Variants in CNOT6 observed in about 807,000 individuals in gnomAD.
CNOT6 encodes the protein CCR4-NOT transcription complex subunit 6, also known as carbon catabolite repression 4 protein.
CNOT6 carries 12 observed loss-of-function variants against 61.2 expected under a neutral mutation model. That is an observed-to-expected ratio of 0.20 (90% CI 0.13 to 0.32). The LOEUF (loss-of-function observed/expected upper bound fraction) is 0.32. Among genes scored for constraint, CNOT6 ranks in the 10% least tolerant of loss-of-function variants. The pLI is 1.00. For synonymous variants in CNOT6, 225 were observed against 240.6 expected (o/e 0.94, Z 0.60); for missense variants, 405 against 663.9 (o/e 0.61, Z 4.28).
At chr5:180,538,544 C>T (rs563005646) in intron 2 of CNOT6, among the ~76,000 whole-genome samples, 13 of 150,968 alleles carry the variant, frequency 8.6e-5, no homozygotes, top group Non-Finnish European at 1.5e-4. Context: ...AAAAATTTGC[C>T]GGGCATAGTG....
At chr5:180,531,314 G>C (rs560274264) in intron 2 of CNOT6, among the ~76,000 whole-genome samples, 26 of 151,306 alleles carry the variant, frequency 1.7e-4, no homozygotes, top group South Asian at 1.3e-3. Flanking sequence ...ACGGGGTAGC[G>C]GTCGGGCAGA....
intron 2 of CNOT6, among the ~76,000 whole-genome samples, chr5:180,533,414 A>G (rs375743861): frequency 4.6e-5 from 7 of 150,626 alleles, no homozygotes; most frequent in Non-Finnish European, 1.0e-4. Flanking sequence ...TATTGTTATT[A>G]TTATTATTTA....
chr5:180,524,143 G>T (rs2127715945), intron 1 of CNOT6, among the ~76,000 whole-genome samples: 1 of 152,280 alleles, frequency 6.6e-6, no homozygotes, highest in African/African-American at 2.4e-5. Flanking sequence ...TATGCCTGCT[G>T]ACTCTTGACT....
intron 2 of CNOT6, among the ~76,000 whole-genome samples, chr5:180,538,063 G>T (rs541292209): frequency 7.3e-6 from 1 of 136,804 alleles, no homozygotes; most frequent in South Asian, 2.4e-4. Flanking sequence ...TTTTGAGACG[G>T]AGTCTCGCTC....
At chr5:180,517,907 C>T (rs1304674310) in intron 1 of CNOT6, among the ~76,000 whole-genome samples, 1 of 152,164 alleles carries the variant, frequency 6.6e-6, no homozygotes, top group Non-Finnish European at 1.5e-5. Flanking sequence ...TGAGGTGTAA[C>T]CACTTAAATC....
rs753537874 is a variant in CNOT6, at chr5:180,553,454, A to G, written c.368A>G (p.Gln123Arg). The G allele has an allele frequency of 6.2e-7, 1 of 1,613,552 alleles. No homozygotes were observed. The highest frequency in any genetic ancestry group is 8.5e-7 in the Non-Finnish European group (1 of 1,179,516). The change falls in exon 4 of 12, where the codon CAG (glutamine) becomes CGG (arginine). Residue 123 changes from glutamine (Q) to arginine (R), a missense_variant. This residue lies in a region of CNOT6 where 212 missense variants were observed against 307.1 expected (regional missense o/e 0.69). Transcript: ENST00000261951. ...GAGCTGGGAAAACTGTTTCAGTTGC[A>G]GACTTTAGGCCTGAAAGGTATGACT... ...PFELGKLFQL[Q>R]TLGLKGNPLT...
chr5:180,535,783 G>A (rs1368800504), intron 2 of CNOT6, among the ~76,000 whole-genome samples: 1 of 152,090 alleles, frequency 6.6e-6, no homozygotes, highest in Non-Finnish European at 1.5e-5. Flanking sequence ...CAGTGTTCAA[G>A]CGTTCCTTTT....
In CNOT6 at chr5:180,505,279, G is replaced by A. The variant is rs1214266455; in HGVS notation, c.-3+10516G>A. On this transcript the variant is annotated intron_variant, in intron 1 of 11. Transcript: ENST00000261951. ...TTTTTTTTTTTTTTTTTTTTGAGAC[G>A]GAGTCTGGCTCTGTCGCCCAGTCTG... Among the ~76,000 whole-genome samples, 13 of 100,518 alleles carry A rather than the reference G, an allele frequency of 1.3e-4. 3 individuals carry two copies. The highest frequency in any genetic ancestry group is 6.8e-4 in the South Asian group (2 of 2,950). The allele number at this position is 100,518 out of a possible 152,430, so 65.9% of individuals were successfully genotyped here.
chr5:180,554,713 A>G (rs1254452997), intron 4 of CNOT6, among the ~76,000 whole-genome samples: 1 of 152,140 alleles, frequency 6.6e-6, no homozygotes, highest in African/African-American at 2.4e-5. Context: ...CTGTTTCTAA[A>G]TTTGAAGAAC....
chr5:180,512,988 T>C (rs1306076434), intron 1 of CNOT6, among the ~76,000 whole-genome samples: 2 of 150,858 alleles, frequency 1.3e-5, no homozygotes, highest in Non-Finnish European at 3.0e-5. Flanking sequence ...CTCCGCCTCC[T>C]GGGTTCACGC....
intron 1 of CNOT6, among the ~76,000 whole-genome samples, chr5:180,511,509 G>C (rs948955658): frequency 6.6e-6 from 1 of 152,086 alleles, no homozygotes; most frequent in Non-Finnish European, 1.5e-5. Flanking sequence ...TACTCGGGAG[G>C]CTGAGACAGG....
Position 180,571,336 on chromosome 5 carries a change from T to C in CNOT6, c.1365T>C (p.Asn455=), listed in dbSNP as rs754195151. The C allele has an allele frequency of 1.9e-6, 3 of 1,614,090 alleles. No individual in the cohort carries two copies. The highest frequency in any genetic ancestry group is 2.5e-6 in the Non-Finnish European group (3 of 1,179,922). The change falls in exon 11 of 12, where the codon AAT becomes AAC. Residue 455 remains asparagine, a synonymous_variant. Coordinates refer to ENST00000261951, the MANE Select transcript of CNOT6 (RefSeq NM_001370472.1). ...CAAACTTCAGCTGTCATGGGAAGAATGGAACCACCAATGGAAGGATCACTC... is the reference window on the plus strand; with the variant it reads ...CAAACTTCAGCTGTCATGGGAAGAACGGAACCACCAATGGAAGGATCACTC... ...SLTNFSCHGK[N]GTTNGRITHG...
At chr5:180,533,132 A>G (rs1323368988) in intron 2 of CNOT6, among the ~76,000 whole-genome samples, 1 of 151,948 alleles carries the variant, frequency 6.6e-6, no homozygotes, top group Admixed American at 6.6e-5. Context: ...CTTCTAAGGT[A>G]TGGGGCAGGA....
chr5:180,511,214 G>A (rs892208815), intron 1 of CNOT6, among the ~76,000 whole-genome samples: 5 of 151,536 alleles, frequency 3.3e-5, no homozygotes, highest in Non-Finnish European at 7.4e-5. Context: ...ACAGTGGCTC[G>A]CGCCTGTAAT....
intron 1 of CNOT6, among the ~76,000 whole-genome samples, chr5:180,522,766 A>G (rs1757935333): frequency 6.6e-6 from 1 of 152,086 alleles, no homozygotes; most frequent in Non-Finnish European, 1.5e-5. Context: ...CTTCTGCCTT[A>G]GCTCCCAAAG....
intron 1 of CNOT6, among the ~76,000 whole-genome samples, chr5:180,512,183 C>T (rs1757426978): frequency 6.6e-6 from 1 of 152,192 alleles, no homozygotes; most frequent in African/African-American, 2.4e-5. Flanking sequence ...TTTGTTTAGT[C>T]TTGCTTTGTG....
At chr5:180,515,798 T>C (rs1220733776) in intron 1 of CNOT6, among the ~76,000 whole-genome samples, 5 of 152,178 alleles carry the variant, frequency 3.3e-5, no homozygotes, top group Admixed American at 1.3e-4. Context: ...CTGTTGCTCT[T>C]TGTTTTCTCC....
intron 1 of CNOT6, among the ~76,000 whole-genome samples, chr5:180,512,897 CATTT>C (rs1363758780): frequency 6.6e-5 from 10 of 151,562 alleles, no homozygotes; most frequent in Non-Finnish European, 1.5e-4. Context: ...TGCACCCAGC[CATTT>C]ATTTATTTAT....
In CNOT6 at chr5:180,576,284, TC is replaced by T. The variant is rs2127772687; in HGVS notation, c.*2086del. The T allele has an allele frequency of 6.5e-6, 1 of 152,776 alleles. No individual in the cohort carries two copies. Among genetic ancestry groups the T allele is most frequent in the East Asian group, 1.9e-4 (1 of 5,186 alleles). 9.5% of individuals were successfully genotyped at this position (152,776 alleles called of 1,614,324 possible). On this transcript the variant is annotated 3_prime_UTR_variant, in exon 12 of 12. Transcript: ENST00000261951. Reference sequence around the variant, plus strand: ...CTAATGAGACTGAGGAAGCAGCTTTTCCTACGATCTGCATTATGTAATCACA... The same window carrying T: ...CTAATGAGACTGAGGAAGCAGCTTTTCTACGATCTGCATTATGTAATCACA...
Sources: allele counts gnomAD v4.1 joint callset (sites outside exome capture counted in the v4.1 genomes callset), GRCh38; gene constraint gnomAD v4.1.1; regional missense constraint gnomAD v4.1.1; transcripts MANE v1.5; gene names NCBI Gene and HGNC (gene_info 2026-07-23, HGNC 2026-07-21).